Variants in OSBPL8 observed in about 807,000 individuals in gnomAD.
OSBPL8 encodes oxysterol binding protein like 8.
OSBPL8 carries 59 observed loss-of-function variants against 125.5 expected under a neutral mutation model. The observed-to-expected ratio is 0.47, with a 90% CI of 0.38 to 0.58. The LOEUF is 0.58. Among genes scored for constraint, OSBPL8 ranks in the 20% least tolerant of loss-of-function variants. The probability of loss-of-function intolerance (pLI) is 0.00; values close to 1 mark genes in which losing one functional copy is unlikely to be tolerated. For synonymous variants in OSBPL8, 330 were observed against 338.9 expected, an observed-to-expected ratio of 0.97 and a Z score of 0.29; for missense variants, 758 against 1,047.8, an observed-to-expected ratio of 0.72 and a Z score of 3.82.
At chr12:76,444,642 G>T (rs1466240745) in intron 4 of OSBPL8, among the ~76,000 whole-genome samples, 1 of 152,174 alleles carries the variant, frequency 6.6e-6, no homozygotes, top group African/African-American at 2.4e-5. Context: ...GACTACCAAA[G>T]ATATGGAAGC....
chr12:76,429,159 T>C (rs927693151), intron 4 of OSBPL8, among the ~76,000 whole-genome samples: 2 of 151,898 alleles, frequency 1.3e-5, no homozygotes, highest in Non-Finnish European at 2.9e-5. Flanking sequence ...TAAATACACA[T>C]ACAAAAATAA....
chr12:76,352,939 T>C lies in OSBPL8; in HGVS notation c.*2950A>G, dbSNP rs1439074930. 1.4e-4 allele frequency: 21 copies of C among 152,486 alleles called. No homozygotes were observed. Among genetic ancestry groups the C allele is most frequent in the Non-Finnish European group, 2.4e-4 (16 of 67,872 alleles). 9.4% of individuals were successfully genotyped at this position (152,486 alleles called of 1,614,324 possible). A position where few individuals can be genotyped will look rare whatever the true frequency, so the allele number is the denominator to read the frequency against. ...AATGTCTGAGTAAAGAATAGGTAAA[T>C]AGACAAACCCCTATAAAAGATAGTA... On this transcript the variant is annotated 3_prime_UTR_variant, in exon 24 of 24. Coordinates refer to ENST00000261183, the MANE Select transcript of OSBPL8 (RefSeq NM_020841.5).
rs1951936982 is a variant in OSBPL8, at chr12:76,355,157, T to C, written c.*732A>G. On this transcript the variant is annotated 3_prime_UTR_variant, in exon 24 of 24. Transcript: ENST00000261183. ...TTTTCAGCAAGTGCTTAAGGTGGTA[T>C]TATAATCAATCCAATTAATTGCACA... 6.6e-6 allele frequency: 1 copy of C among 152,512 alleles called. No individual in the cohort carries two copies. The highest frequency in any genetic ancestry group is 1.5e-5 in the Non-Finnish European group (1 of 67,932). 9.4% of individuals were successfully genotyped at this position (152,512 alleles called of 1,614,324 possible). A position where few individuals can be genotyped will look rare whatever the true frequency, so the allele number is the denominator to read the frequency against.
At chr12:76,441,551 A>G (rs1230429956) in intron 4 of OSBPL8, among the ~76,000 whole-genome samples, 1 of 152,172 alleles carries the variant, frequency 6.6e-6, no homozygotes, top group African/African-American at 2.4e-5. Flanking sequence ...TCTTGCTAAA[A>G]AGGAGATTTC....
chr12:76,430,873 A>C (rs1870732827), intron 4 of OSBPL8, among the ~76,000 whole-genome samples: 1 of 152,226 alleles, frequency 6.6e-6, no homozygotes, highest in African/African-American at 2.4e-5. Flanking sequence ...TAAGTGCCAG[A>C]GTTCTTCAAG....
chr12:76,471,955 G>C (rs893752983), intron 2 of OSBPL8, among the ~76,000 whole-genome samples: 1 of 152,134 alleles, frequency 6.6e-6, no homozygotes, highest in Non-Finnish European at 1.5e-5. Flanking sequence ...TTTTGATACT[G>C]ACTTTTCAAC....
chr12:76,369,843 T>A (rs1409591951), intron 19 of OSBPL8, 21 bp from the exon 20 acceptor site: 2 of 1,579,040 alleles, frequency 1.3e-6, no homozygotes, highest in African/African-American at 1.4e-5. Context: ...TGCGAAAATA[T>A]TAAAAGTATT....
At chr12:76,457,138 G>A (rs947258607) in intron 3 of OSBPL8, among the ~76,000 whole-genome samples, 1 of 152,174 alleles carries the variant, frequency 6.6e-6, no homozygotes, top group African/African-American at 2.4e-5. Context: ...TTCATACAGA[G>A]ATGATTAGCA....
chr12:76,437,059 T>C (rs1312284481), intron 4 of OSBPL8, among the ~76,000 whole-genome samples: 1 of 152,236 alleles, frequency 6.6e-6, no homozygotes, highest in Non-Finnish European at 1.5e-5. Context: ...TTGTAATATT[T>C]ATTCATTCCA....
chr12:76,393,849 G>A (rs370120850), intron 9 of OSBPL8, among the ~76,000 whole-genome samples: 17 of 151,262 alleles, frequency 1.1e-4, no homozygotes, highest in South Asian at 4.2e-4. Context: ...TGGTGAAACC[G>A]TCTCTACTAA....
intron 1 of OSBPL8, among the ~76,000 whole-genome samples, chr12:76,490,174 T>C (rs747205419): frequency 1.3e-5 from 2 of 152,214 alleles, no homozygotes; most frequent in Non-Finnish European, 2.9e-5. Context: ...AATCTACTCC[T>C]GGTAAAGATG....
intron 1 of OSBPL8, among the ~76,000 whole-genome samples, chr12:76,504,726 C>T (rs913445560): frequency 1.3e-5 from 2 of 152,186 alleles, no homozygotes; most frequent in African/African-American, 4.8e-5. Context: ...CTTTGTAAAA[C>T]TAATGAAAAG....
chr12:76,392,871 A>G (rs1953623255), intron 9 of OSBPL8, 119 bp from the exon 10 acceptor site: 2 of 972,732 alleles, frequency 2.1e-6, no homozygotes, highest in Non-Finnish European at 2.9e-6. Flanking sequence ...AGTTAATCTG[A>G]ACATAACATC....
intron 4 of OSBPL8, among the ~76,000 whole-genome samples, chr12:76,435,731 G>A (rs1274228447): frequency 6.6e-6 from 1 of 151,956 alleles, no homozygotes. Flanking sequence ...GGTGGGAAGG[G>A]AAAAAAATGA....
rs563056160 is a variant in OSBPL8 at position 76,365,904 on chromosome 12, C to T, written c.2328+3310G>A. On this transcript the variant is annotated intron_variant, in intron 21 of 23. Transcript: ENST00000261183. Reference sequence around the variant, plus strand: ...GTGATATATTACATTGATTTTCTTACGTGGAACCAACCTTGCATTTCTGGA... The same window carrying T: ...GTGATATATTACATTGATTTTCTTATGTGGAACCAACCTTGCATTTCTGGA... Among the ~76,000 whole-genome samples the T allele has an allele frequency of 3.3e-5, 5 of 152,222 alleles. No individual in the cohort carries two copies. In the South Asian group the frequency reaches 6.2e-4, roughly 19 times the overall value.
intron 1 of OSBPL8, among the ~76,000 whole-genome samples, chr12:76,498,325 T>A (rs1234834007): frequency 1.3e-5 from 2 of 152,136 alleles, no homozygotes; most frequent in African/African-American, 4.8e-5. Context: ...TTTTAAAAAA[T>A]CAAAAACTGT....
intron 2 of OSBPL8, among the ~76,000 whole-genome samples, chr12:76,476,446 ACAAG>A (rs1362140269): frequency 6.6e-6 from 1 of 152,180 alleles, no homozygotes; most frequent in African/African-American, 2.4e-5. Flanking sequence ...TGAAGCATGA[ACAAG>A]CAAATATTTT....
At chr12:76,512,269 C>A (rs538070698) in intron 1 of OSBPL8, among the ~76,000 whole-genome samples, 1 of 152,192 alleles carries the variant, frequency 6.6e-6, no homozygotes, top group African/African-American at 2.4e-5. Context: ...AAGAGAGCCT[C>A]CAGCTCCACC....
intron 1 of OSBPL8, among the ~76,000 whole-genome samples, chr12:76,549,097 A>C (rs951114094): frequency 6.6e-6 from 1 of 152,118 alleles, no homozygotes; most frequent in African/African-American, 2.4e-5. Context: ...CAAAATACTA[A>C]AGGGGAAAAA....
Sources: allele counts gnomAD v4.1 joint callset (sites outside exome capture counted in the v4.1 genomes callset), GRCh38; gene constraint gnomAD v4.1.1; transcripts MANE v1.5; gene names NCBI Gene and HGNC (gene_info 2026-07-23, HGNC 2026-07-21).